C1orf185: variants seen among roughly 807,000 people sequenced by gnomAD.
The protein encoded by C1orf185 is chromosome 1 open reading frame 185.
Under a neutral mutation model 16.1 loss-of-function variants are expected in C1orf185, and 13 were observed. The ratio of observed to expected loss-of-function variants is 0.81; its 90% confidence interval spans 0.53 to 1.28. The LOEUF is 1.28. C1orf185 is among the 50% of genes most tolerant of loss of function. The pLI, the probability that C1orf185 is intolerant of heterozygous loss-of-function variation, is 0.00. For missense variants in C1orf185, 220 were observed against 225.2 expected (o/e 0.98, Z 0.15); for synonymous variants, 80 against 76.9 (o/e 1.04, Z -0.21).
rs1441288771 is a variant in C1orf185 at position 51,147,748 on chromosome 1, A to T, written c.577A>T (p.Ser193Cys). 6.5e-7 allele frequency: 1 copy of T among 1,546,970 alleles called. No homozygotes were observed. ...STISLEEGTE[S>C]VLNDTL ...CATTTCATTAGAAGAGGGTACTGAA[A>T]GTGTACTGAATGACACTTTATGACC... The change falls in exon 5 of 5, where the codon AGT (serine) becomes TGT (cysteine). Residue 193 changes from serine (S) to cysteine (C), a missense_variant. Ser to Cys is a moderately radical substitution (Grantham distance 112). Coordinates refer to ENST00000371759, the MANE Select transcript of C1orf185 (RefSeq NM_001136508.2).
chr1:51,109,512 C>T (rs1242694918), intron 1 of C1orf185, among the ~76,000 whole-genome samples: 2 of 48,418 alleles, frequency 4.1e-5, no homozygotes, highest in Admixed American at 3.8e-4. Context: ...AAGCATTTCC[C>T]CTATTTTTTT....
rs769161803 is a variant in C1orf185, at chr1:51,147,646, T to C, written c.475T>C (p.Ser159Pro). The C allele has an allele frequency of 1.9e-6, 3 of 1,551,568 alleles. No homozygotes were observed. In the South Asian group the frequency reaches 3.6e-5, roughly 18 times the overall value. The change falls in exon 5 of 5, where the codon TCT becomes CCT. Residue 159 changes from serine to proline, a missense_variant. Ser to Pro is a moderately conservative substitution (Grantham distance 74). Transcript: ENST00000371759. ...AGCTGATGACTGGTTTTCTGATGAT[T>C]CTCTAGTGAAAAGGAACTCTCCAAT... ...EAADDWFSDD[S>P]LVKRNSPMPS...
chr1:51,116,682 A>T (rs1646160141), intron 2 of C1orf185, among the ~76,000 whole-genome samples: 1 of 152,144 alleles, frequency 6.6e-6, no homozygotes, highest in African/African-American at 2.4e-5. Flanking sequence ...ATTAAAGATA[A>T]AACTTTTAAG....
intron 3 of C1orf185, among the ~76,000 whole-genome samples, chr1:51,143,103 C>T (rs1044041832): frequency 3.9e-5 from 6 of 151,920 alleles, no homozygotes; most frequent in East Asian, 1.9e-4. Flanking sequence ...TTAGATTGAT[C>T]GCACAATCAA....
intron 3 of C1orf185, among the ~76,000 whole-genome samples, chr1:51,120,048 A>G (rs1245989767): frequency 6.6e-6 from 1 of 152,214 alleles, no homozygotes; most frequent in Non-Finnish European, 1.5e-5. Flanking sequence ...TAAGAAATGA[A>G]GAGAAGTTTG....
downstream of C1orf185, among the ~76,000 whole-genome samples, chr1:51,150,509 T>C (rs879218168): frequency 7.2e-5 from 11 of 152,272 alleles, no homozygotes; most frequent in East Asian, 2.1e-3. Context: ...GGAATGTATT[T>C]CCTAAAAACT....
chr1:51,119,146 A>T (rs1420111802), intron 3 of C1orf185, among the ~76,000 whole-genome samples: 1 of 152,244 alleles, frequency 6.6e-6, no homozygotes. Flanking sequence ...TAGCCTAACC[A>T]TAGCAATTGA....
At chr1:51,105,782 T>A (rs886393934) in intron 1 of C1orf185, among the ~76,000 whole-genome samples, 23 of 152,200 alleles carry the variant, frequency 1.5e-4, no homozygotes, top group Admixed American at 6.5e-5. Context: ...TATCTTTGTA[T>A]ATAATACGAC....
chr1:51,120,296 T>C (rs1646188597), intron 3 of C1orf185, among the ~76,000 whole-genome samples: 1 of 152,186 alleles, frequency 6.6e-6, no homozygotes, highest in South Asian at 2.1e-4. Flanking sequence ...TCAAGAGCAT[T>C]GTCTGTAGAG....
rs1340162769 is a variant in C1orf185, at chr1:51,147,587, CATCTGATTCTT to C, written c.419_429del (p.Ser140LeufsTer9). On this transcript the variant is annotated frameshift_variant, in exon 5 of 5. Coordinates refer to ENST00000371759, the MANE Select transcript of C1orf185 (RefSeq NM_001136508.2). LOFTEE classifies it high-confidence loss of function. ...GTTACATTAAGCTTATCAACATTAC[CATCTGATTCTT>C]ATTACAGCCAAAGTATAGAAGCAGC... 1.3e-6 allele frequency: 2 copies of C among 1,551,538 alleles called. No homozygotes were observed. Among genetic ancestry groups the C allele is most frequent in the East Asian group, 4.9e-5 (2 of 40,904 alleles).
At chr1:51,117,689 G>A (rs1217687631) in intron 2 of C1orf185, among the ~76,000 whole-genome samples, 3 of 152,040 alleles carry the variant, frequency 2.0e-5, no homozygotes, top group Admixed American at 6.6e-5. Context: ...TGCCTTAATA[G>A]CTCATTTCTT....
chr1:51,118,631 A>G (rs187500381), intron 2 of C1orf185, 35 bp from the exon 3 acceptor site: 3 of 1,181,022 alleles, frequency 2.5e-6, no homozygotes, highest in East Asian at 2.9e-5. Context: ...AATCTAACTC[A>G]GGTTTAATAA....
chr1:51,137,815 T>C (rs1028004438), intron 3 of C1orf185, among the ~76,000 whole-genome samples: 29 of 152,188 alleles, frequency 1.9e-4, no homozygotes, highest in African/African-American at 6.8e-4. Context: ...TGCCCATCAG[T>C]GGTAGACTGG....
intron 1 of C1orf185, among the ~76,000 whole-genome samples, chr1:51,105,878 T>G (rs774334790): frequency 2.0e-5 from 3 of 152,196 alleles, no homozygotes; most frequent in Non-Finnish European, 4.4e-5. Context: ...ACAAATTGAT[T>G]TAGACAGAAA....
intron 3 of C1orf185, among the ~76,000 whole-genome samples, chr1:51,121,092 T>G (rs1457981889): frequency 6.6e-6 from 1 of 152,204 alleles, no homozygotes; most frequent in East Asian, 1.9e-4. Context: ...TCTCACATAC[T>G]TGTCATTTTT....
At chr1:51,149,557 C>G (rs909843196), downstream of C1orf185, among the ~76,000 whole-genome samples, 1 of 152,118 alleles carries the variant, frequency 6.6e-6, no homozygotes, top group Admixed American at 6.6e-5. Flanking sequence ...ACTCTCGATC[C>G]CAGAGAAGGA....
At chr1:51,106,958 C>T (rs541609385) in intron 1 of C1orf185, among the ~76,000 whole-genome samples, 6 of 152,208 alleles carry the variant, frequency 3.9e-5, no homozygotes, top group South Asian at 2.1e-4. Context: ...AGGGTTTTAC[C>T]GTGTTGGCCA....
chr1:51,105,898 A>C (rs1283064471), intron 1 of C1orf185, among the ~76,000 whole-genome samples: 1 of 152,242 alleles, frequency 6.6e-6, no homozygotes, highest in Non-Finnish European at 1.5e-5. Flanking sequence ...AGTGACACTC[A>C]TTGAAGGTAT....
intron 3 of C1orf185, among the ~76,000 whole-genome samples, chr1:51,122,712 T>C (rs764271118): frequency 3.9e-5 from 6 of 152,214 alleles, no homozygotes; most frequent in Non-Finnish European, 7.3e-5. Context: ...GGTTTCATTA[T>C]CCTAAAAGTC....
Sources: gnomAD v4.1 joint callset for allele counts (sites outside exome capture counted in the v4.1 genomes callset) on GRCh38, gnomAD v4.1.1 for gene constraint, MANE v1.5 for transcripts, NCBI Gene and HGNC (gene_info 2026-07-23, HGNC 2026-07-21) for gene names.